Variants in COL5A2 observed in about 807,000 individuals in gnomAD.
COL5A2 encodes the protein collagen alpha-2(V) chain.
COL5A2 carries 23 observed loss-of-function variants against 208.2 expected under a neutral mutation model. That is an observed-to-expected ratio of 0.11 (90% CI 0.08 to 0.16). COL5A2 has a LOEUF of 0.16. Among genes scored for constraint, COL5A2 ranks in the 10% least tolerant of loss-of-function variants. COL5A2 has a pLI of 1.00. For missense variants in COL5A2, 1,590 were observed against 1,956.4 expected (o/e 0.81, Z 3.53); for synonymous variants, 625 against 628.5 (o/e 0.99, Z 0.08).
At chr2:189,040,696 T>C (rs116102737) in intron 50 of COL5A2, among the ~76,000 whole-genome samples, 25 of 152,244 alleles carry the variant, frequency 1.6e-4, no homozygotes, top group Non-Finnish European at 3.2e-4. Flanking sequence ...ATATACTGAG[T>C]TCATGCGTTC....
the COL5A2 span, among the ~76,000 whole-genome samples, chr2:189,238,947 A>G: frequency 6.6e-6 from 1 of 152,162 alleles, no homozygotes; most frequent in East Asian, 1.9e-4. Flanking sequence ...AATTACTTAG[A>G]AAAATAAAAT....
At chr2:189,272,711 A>G in the COL5A2 span, among the ~76,000 whole-genome samples, 2 of 152,046 alleles carry the variant, frequency 1.3e-5, no homozygotes, top group African/African-American at 4.8e-5. Flanking sequence ...ATTTCCAACT[A>G]CTCATGCAGT....
chr2:189,188,226 A>AT (rs1688879693), intron 1 of COL5A2, among the ~76,000 whole-genome samples: 1 of 152,176 alleles, frequency 6.6e-6, no homozygotes, highest in Non-Finnish European at 1.5e-5. Context: ...CACTGCAAAA[A>AT]TTTCCACCAT....
chr2:189,304,673 G>A, the COL5A2 span, among the ~76,000 whole-genome samples: 1 of 152,140 alleles, frequency 6.6e-6, no homozygotes, highest in Non-Finnish European at 1.5e-5. Flanking sequence ...CTTCCACTAG[G>A]CCCTAACTTC....
At chr2:189,045,995 T>C in intron 45 of COL5A2, 88 bp from the exon 46 acceptor site, 1 of 1,159,202 alleles carries the variant, frequency 8.6e-7, no homozygotes, top group South Asian at 1.3e-5. Flanking sequence ...ATAGTATTAA[T>C]AATGGGAAAA....
the COL5A2 span, among the ~76,000 whole-genome samples, chr2:189,377,384 G>A: frequency 2.5e-4 from 38 of 152,188 alleles, no homozygotes; most frequent in East Asian, 6.4e-3. Context: ...ACATTATACC[G>A]GGTAATGATA....
intron 1 of COL5A2, among the ~76,000 whole-genome samples, chr2:189,128,728 T>C (rs1001130651): frequency 1.9e-4 from 29 of 152,030 alleles, no homozygotes; most frequent in African/African-American, 6.5e-4. Flanking sequence ...TCCAATGATG[T>C]GCAACAAGAA....
At position 189,034,054 on chromosome 2, in the gene COL5A2, T is replaced by C. The variant is rs1685391989; in HGVS notation, c.*16A>G. 3 of 1,613,964 alleles carry C rather than the reference T, an allele frequency of 1.9e-6. No individual in the cohort carries two copies. Among genetic ancestry groups the C allele is most frequent in the Non-Finnish European group, 1.7e-6 (2 of 1,179,864 alleles). On this transcript the variant is annotated 3_prime_UTR_variant, in exon 54 of 54. Transcript: ENST00000374866. ...CATTGATGGTGGTGCTCATTGTCGA[T>C]GTGTCTTGGCTTACTTTACACAAAA...
the COL5A2 span, among the ~76,000 whole-genome samples, chr2:189,305,158 AT>A: frequency 1.3e-5 from 2 of 152,360 alleles, no homozygotes; most frequent in Middle Eastern, 6.8e-3. Context: ...AATAATTGCT[AT>A]CCACTTGGTA....
At chr2:189,357,528 G>A in the COL5A2 span, among the ~76,000 whole-genome samples, 36 of 151,984 alleles carry the variant, frequency 2.4e-4, no homozygotes, top group Middle Eastern at 3.2e-3. Flanking sequence ...GGGTAAAACC[G>A]CCTACTCAAG....
the COL5A2 span, among the ~76,000 whole-genome samples, chr2:189,321,055 C>A: frequency 1.3e-5 from 2 of 152,136 alleles, no homozygotes; most frequent in African/African-American, 2.4e-5. Context: ...AATTTCATAT[C>A]CAGCCAAACT....
At chr2:189,145,081 A>G (rs1038279153) in intron 1 of COL5A2, among the ~76,000 whole-genome samples, 1 of 152,108 alleles carries the variant, frequency 6.6e-6, no homozygotes, top group African/African-American at 2.4e-5. Context: ...TACTTTCTTA[A>G]TTCCTATATG....
intron 6 of COL5A2, 132 bp downstream of exon 6, chr2:189,097,145 A>G: frequency 1.3e-6 from 1 of 777,678 alleles, no homozygotes. Context: ...ATATACAATT[A>G]TTATTGTATT....
chr2:189,266,285 G>T, the COL5A2 span, among the ~76,000 whole-genome samples: 1 of 152,036 alleles, frequency 6.6e-6, no homozygotes, highest in Non-Finnish European at 1.5e-5. Context: ...AATTAGCGGG[G>T]CATGGTGGCA....
chr2:189,282,900 C>A, the COL5A2 span, among the ~76,000 whole-genome samples: 20 of 152,116 alleles, frequency 1.3e-4, no homozygotes, highest in Non-Finnish European at 2.4e-4. Context: ...AGGATAAATT[C>A]AAAATATTTA....
intron 42 of COL5A2, 107 bp downstream of exon 42, chr2:189,051,213 A>C: frequency 7.1e-7 from 1 of 1,413,934 alleles, no homozygotes; most frequent in African/African-American, 1.4e-5. Context: ...AATTTTAGGA[A>C]TGTGCCCAGC....
the COL5A2 span, among the ~76,000 whole-genome samples, chr2:189,328,071 T>G: frequency 2.0e-5 from 3 of 152,208 alleles, no homozygotes; most frequent in Non-Finnish European, 4.4e-5. Flanking sequence ...TCTTTCTCTA[T>G]TTCATAGCAA....
intron 1 of COL5A2, among the ~76,000 whole-genome samples, chr2:189,217,194 C>G (rs1689289854): frequency 6.6e-6 from 1 of 152,122 alleles, no homozygotes; most frequent in Admixed American, 6.6e-5. Flanking sequence ...GCATCAGCAT[C>G]TTGTTATCAT....
At chr2:189,290,611 C>T in the COL5A2 span, among the ~76,000 whole-genome samples, 1 of 151,610 alleles carries the variant, frequency 6.6e-6, no homozygotes, top group Non-Finnish European at 1.5e-5. Flanking sequence ...GGTGAATTTG[C>T]CATGAAAAAG....
Sources: allele counts gnomAD v4.1 joint callset (sites outside exome capture counted in the v4.1 genomes callset), GRCh38; gene constraint gnomAD v4.1.1; transcripts MANE v1.5; gene names NCBI Gene and HGNC (gene_info 2026-07-23, HGNC 2026-07-21).